Variants in TNRC6B observed in about 807,000 individuals in gnomAD.
TNRC6B encodes the protein trinucleotide repeat containing adaptor 6B.
Under a neutral mutation model 203.6 loss-of-function variants are expected in TNRC6B, and 52 were observed. The ratio of observed to expected loss-of-function variants is 0.26; its 90% confidence interval spans 0.20 to 0.32. The LOEUF (loss-of-function observed/expected upper bound fraction) is 0.32, where lower values mean the gene tolerates loss of function less well. TNRC6B is among the 10% of genes least tolerant of loss of function. The pLI, the probability that TNRC6B is intolerant of heterozygous loss-of-function variation, is 1.00. For synonymous variants in TNRC6B, 838 were observed against 845.7 expected (o/e 0.99, Z 0.16); for missense variants, 1,923 against 2,286.2 (o/e 0.84, Z 3.24).
chr22:40,262,603 C>T (rs1383283040), intron 4 of TNRC6B, among the ~76,000 whole-genome samples: 6 of 152,064 alleles, frequency 3.9e-5, no homozygotes, highest in Non-Finnish European at 5.9e-5. Flanking sequence ...ATAGAATCTT[C>T]GGAGGATTCT....
At chr22:40,054,353 T>G (rs2067775152) in intron 1 of TNRC6B, among the ~76,000 whole-genome samples, 1 of 152,116 alleles carries the variant, frequency 6.6e-6, no homozygotes, top group African/African-American at 2.4e-5. Flanking sequence ...CCTTGCTGAG[T>G]GTACTCTCAC....
chr22:40,197,731 C>G (rs2069360263), intron 1 of TNRC6B, among the ~76,000 whole-genome samples: 1 of 151,460 alleles, frequency 6.6e-6, no homozygotes, highest in Non-Finnish European at 1.5e-5. Flanking sequence ...CTCAGCCACG[C>G]AAGTAATTGG....
At chr22:40,172,765 GAGTT>G (rs1380691937) in intron 4 of TNRC6B, among the ~76,000 whole-genome samples, 5 of 152,320 alleles carry the variant, frequency 3.3e-5, no homozygotes, top group African/African-American at 1.2e-4. Context: ...TGTTCAATAA[GAGTT>G]AGATAGCATT....
chr22:40,133,303 ATAT>A (rs1252843012), intron 3 of TNRC6B, among the ~76,000 whole-genome samples: 2 of 151,882 alleles, frequency 1.3e-5, no homozygotes, highest in Non-Finnish European at 2.9e-5. Flanking sequence ...TTTTATTGAG[ATAT>A]TATCAAAAAT....
intron 2 of TNRC6B, among the ~76,000 whole-genome samples, chr22:40,123,508 T>A (rs1220568209): frequency 6.6e-6 from 1 of 152,178 alleles, no homozygotes; most frequent in Non-Finnish European, 1.5e-5. Flanking sequence ...CGACCTCCTG[T>A]CTCCAGTCAG....
At position 40,308,624 on chromosome 22, in the gene TNRC6B, A is replaced by C. The variant is rs764201675; in HGVS notation, c.4233A>C (p.Thr1411=). ...TGGAGGGGCTGCCCTCTGTAGCCAC[A>C]CAGGAAGCCAATATGCACAAAAATG... The part of the protein sequence containing the change: ...SMMEGLPSVA[T]QEANMHKNGA... Residue 1411 remains threonine, a synonymous_variant, in exon 16 of 23, where the codon ACA becomes ACC. Transcript: ENST00000454349. 1 of 1,613,642 alleles carries C rather than the reference A, an allele frequency of 6.2e-7. No individual in the cohort carries two copies. The highest frequency in any genetic ancestry group is 8.5e-7 in the Non-Finnish European group (1 of 1,179,720).
intron 1 of TNRC6B, among the ~76,000 whole-genome samples, chr22:40,212,735 A>G (rs2146423474): frequency 6.6e-6 from 1 of 151,970 alleles, no homozygotes; most frequent in South Asian, 2.1e-4. Flanking sequence ...CAGTGGTGTG[A>G]TCTCCTGGGT....
At chr22:40,170,817 A>ATG (rs371195679) in intron 4 of TNRC6B, among the ~76,000 whole-genome samples, 25 of 56,776 alleles carry the variant, frequency 4.4e-4, no homozygotes, top group Non-Finnish European at 6.5e-4. Context: ...ATGTACATAT[A>ATG]TGTGTGTGTA....
At chr22:40,077,853 A>AGT (rs1158495797) in intron 1 of TNRC6B, among the ~76,000 whole-genome samples, 1 of 152,152 alleles carries the variant, frequency 6.6e-6, no homozygotes, top group Non-Finnish European at 1.5e-5. Flanking sequence ...CTGCTCACTC[A>AGT]GTGTGTGCTG....
At chr22:40,195,148 T>C (rs1242149799) in intron 1 of TNRC6B, among the ~76,000 whole-genome samples, 3 of 152,246 alleles carry the variant, frequency 2.0e-5, no homozygotes, top group African/African-American at 4.8e-5. Flanking sequence ...TTTAAATGTC[T>C]GGCTTTGCTC....
At chr22:40,316,987 A>T (rs1387047054) in intron 21 of TNRC6B, among the ~76,000 whole-genome samples, 1 of 152,172 alleles carries the variant, frequency 6.6e-6, no homozygotes, top group African/African-American at 2.4e-5. Context: ...GATTTGCTAT[A>T]CAAATGTGCA....
intron 3 of TNRC6B, among the ~76,000 whole-genome samples, chr22:40,135,009 G>A (rs2068587061): frequency 6.6e-6 from 1 of 152,200 alleles, no homozygotes; most frequent in African/African-American, 2.4e-5. Flanking sequence ...GGCCAGAAAT[G>A]CCTGAAAGGG....
rs545182861 is a variant in TNRC6B, at chr22:40,257,783, G to A, written c.116-4049G>A. Among the ~76,000 whole-genome samples, 496 of 152,294 alleles carry A rather than the reference G, an allele frequency of 3.3e-3. 3 individuals carry two copies. Among genetic ancestry groups the A allele is most frequent in the African/African-American group, 0.011 (476 of 41,570 alleles). On this transcript the variant is annotated intron_variant, in intron 3 of 22. Transcript: ENST00000454349. The stretch of plus-strand genomic sequence containing the variant: ...CACGCCTATAATCCCAGCACTTTGG[G>A]AGGCTGAGGCGGGCAGATCACCTGA...
chr22:40,139,804 G>A (rs748576076), intron 3 of TNRC6B, among the ~76,000 whole-genome samples: 24 of 152,318 alleles, frequency 1.6e-4, no homozygotes, highest in Non-Finnish European at 3.2e-4. Flanking sequence ...ATACCTAGGA[G>A]TGGAACTGCT....
upstream of TNRC6B, among the ~76,000 whole-genome samples, chr22:40,173,103 A>G (rs111289356): frequency 9.9e-5 from 15 of 152,180 alleles, 1 homozygote; most frequent in African/African-American, 3.6e-4. Flanking sequence ...AAAACAAAAT[A>G]TAGTTTTTGG....
chr22:40,132,221 ACCTGTAATCCCAGCTGTG>A (rs1317210857), intron 3 of TNRC6B, among the ~76,000 whole-genome samples: 1 of 152,054 alleles, frequency 6.6e-6, no homozygotes, highest in Non-Finnish European at 1.5e-5. Flanking sequence ...GTTAGTGTGC[ACCTGTAATCCCAGCTGTG>A]CCTGTAATCC....
At chr22:40,176,375 C>T (rs1022403717), upstream of TNRC6B, among the ~76,000 whole-genome samples, 2 of 152,086 alleles carry the variant, frequency 1.3e-5, no homozygotes, top group Non-Finnish European at 2.9e-5. Flanking sequence ...GATCTGCCTG[C>T]CTCGGCCTCC....
intron 1 of TNRC6B, among the ~76,000 whole-genome samples, chr22:40,085,910 G>T (rs562682013): frequency 6.6e-6 from 1 of 151,996 alleles, no homozygotes; most frequent in East Asian, 1.9e-4. Context: ...TTGTTCTATT[G>T]TCCAGTCTGT....
chr22:40,316,809 G>A (rs1335998029), intron 21 of TNRC6B, among the ~76,000 whole-genome samples: 1 of 152,134 alleles, frequency 6.6e-6, no homozygotes, highest in African/African-American at 2.4e-5. Flanking sequence ...TCAAGATGAT[G>A]ATAACACATA....
Sources: allele counts gnomAD v4.1 joint callset (sites outside exome capture counted in the v4.1 genomes callset), GRCh38; gene constraint gnomAD v4.1.1; transcripts MANE v1.5; gene names NCBI Gene and HGNC (gene_info 2026-07-23, HGNC 2026-07-21).